CHRAC1: variants seen among roughly 807,000 people sequenced by gnomAD.
CHRAC1 encodes chromatin accessibility complex protein 1.
Under a neutral mutation model 9.1 loss-of-function variants are expected in CHRAC1, and 6 were observed. The ratio of observed to expected loss-of-function variants is 0.66; its 90% CI spans 0.36 to 1.29. CHRAC1 has a LOEUF of 1.29. CHRAC1 is among the 50% of genes most tolerant of loss of function. CHRAC1 has a pLI of 0.03. For synonymous variants in CHRAC1, 73 were observed against 64.5 expected (o/e 1.13, Z -0.63); for missense variants, 168 against 163.5 (o/e 1.03, Z -0.15).
Position 140,516,494 on chromosome 8 carries a change from T to G in CHRAC1, c.*1247T>G, listed in dbSNP as rs1156636914. 2.0e-5 allele frequency: 3 copies of G among 152,170 alleles called. No homozygotes were observed. The East Asian group carries it at 5.8e-4, about 29-fold the overall frequency. The allele number at this position is 152,170 out of a possible 1,614,324, so 9.4% of individuals were successfully genotyped here. A position where few individuals can be genotyped will look rare whatever the true frequency, so the allele number is the denominator to read the frequency against. On this transcript the variant is annotated 3_prime_UTR_variant, in exon 3 of 3. Coordinates refer to ENST00000220913, the MANE Select transcript of CHRAC1 (RefSeq NM_017444.6). ...AAAATGAAAAAGTTTATAATTTACA[T>G]TCAGTAAAATCACCCTTTTTAGTGT...
chr8:140,513,475 G>T (rs2072301888), intron 1 of CHRAC1, among the ~76,000 whole-genome samples: 1 of 150,724 alleles, frequency 6.6e-6, no homozygotes, highest in African/African-American at 2.4e-5. Flanking sequence ...TCGCTCTGTC[G>T]CCCAGGCTGG....
In CHRAC1 at chr8:140,516,565, T is replaced by G. The variant is rs2072339831; in HGVS notation, c.*1318T>G. The G allele has an allele frequency of 6.6e-6, 1 of 152,242 alleles. No homozygotes were observed. Among genetic ancestry groups the G allele is most frequent in the African/African-American group, 2.4e-5 (1 of 41,470 alleles). The allele number at this position is 152,242 out of a possible 1,614,324, so 9.4% of individuals were successfully genotyped here. A position where few individuals can be genotyped will look rare whatever the true frequency, so the allele number is the denominator to read the frequency against. ...AATGCATGGTTTTGTAACCAATCGA[T>G]AGGACAGTTCTGCCACCCAGGACAT... On this transcript the variant is annotated 3_prime_UTR_variant, in exon 3 of 3. Coordinates refer to ENST00000220913, the MANE Select transcript of CHRAC1 (RefSeq NM_017444.6).
At chr8:140,514,217 T>C (rs1250462974) in intron 1 of CHRAC1, 152 bp from the exon 2 acceptor site, 1 of 843,944 alleles carries the variant, frequency 1.2e-6, no homozygotes, top group Non-Finnish European at 1.7e-6. Flanking sequence ...CCCCAGTGAT[T>C]TCTTGTAATT....
At chr8:140,511,831 C>G in intron 1 of CHRAC1, 185 bp downstream of exon 1, 1 of 783,314 alleles carries the variant, frequency 1.3e-6, no homozygotes, top group Admixed American at 2.2e-5. Context: ...CCCACACTTT[C>G]TCGCGCGTCT....
chr8:140,514,210 C>T (rs1424430361), intron 1 of CHRAC1, 159 bp from the exon 2 acceptor site: 1 of 768,276 alleles, frequency 1.3e-6, no homozygotes, highest in Non-Finnish European at 1.9e-6. Context: ...CTGGCCTCCC[C>T]AGTGATTTCT....
At chr8:140,511,876 C>T (rs1444378557) in intron 1 of CHRAC1, 2 of 770,010 alleles carry the variant, frequency 2.6e-6, no homozygotes, top group Admixed American at 2.2e-5. Flanking sequence ...CCCTCACGTT[C>T]TCCAGTTTCT....
Position 140,511,473 on chromosome 8 carries a change from G to A in CHRAC1, c.-27G>A, listed in dbSNP as rs2072272062. On this transcript the variant is annotated 5_prime_UTR_variant, in exon 1 of 3. Transcript: ENST00000220913. ...CACTTCGCGGTCGGGCCCGCCGGCT[G>A]CGGGCACCCGCGCGACGGGCGGGAA... is the stretch of plus-strand genomic sequence containing the variant. The A allele has an allele frequency of 3.8e-6, 5 of 1,310,640 alleles. No individual in the cohort carries two copies. The highest frequency in any genetic ancestry group is 4.9e-6 in the Non-Finnish European group (5 of 1,017,800). 81.2% of individuals were successfully genotyped at this position (1,310,640 alleles called of 1,614,324 possible).
At chr8:140,515,104 A>T in intron 2 of CHRAC1, 22 bp from the exon 3 acceptor site, 4 of 1,607,234 alleles carry the variant, frequency 2.5e-6, no homozygotes, top group Non-Finnish European at 2.6e-6. Context: ...CCAATTGCTG[A>T]TGTACGCTTT....
chr8:140,514,947 G>A (rs1358172604), intron 2 of CHRAC1, 179 bp from the exon 3 acceptor site: 10 of 599,640 alleles, frequency 1.7e-5, no homozygotes, highest in East Asian at 3.0e-5. Context: ...GGCCTATAGC[G>A]TTCGTTAGGA....
At chr8:140,514,536 T>C in intron 2 of CHRAC1, 41 bp downstream of exon 2, 1 of 1,497,264 alleles carries the variant, frequency 6.7e-7, no homozygotes, top group Non-Finnish European at 8.9e-7. Context: ...AAATGATTAG[T>C]AATCAATAGC....
intron 2 of CHRAC1, 86 bp downstream of exon 2, chr8:140,514,581 C>T (rs761852385): frequency 9.2e-6 from 11 of 1,201,368 alleles, no homozygotes; most frequent in Non-Finnish European, 1.0e-5. Context: ...TCTGCTCTCA[C>T]GGAAAATTAG....
chr8:140,513,913 C>CTTTT lies in CHRAC1; in HGVS notation c.148-434_148-431dup, dbSNP rs57880666. 4.7e-3 allele frequency among the ~76,000 whole-genome samples: 410 copies of CTTTT among 87,448 alleles called. 13 individuals are homozygous for CTTTT. Among genetic ancestry groups the CTTTT allele is most frequent in the East Asian group, 7.8e-3 (19 of 2,442 alleles). The allele number at this position is 87,448 out of a possible 152,430, so 57.4% of individuals were successfully genotyped here. A position where few individuals can be genotyped will look rare whatever the true frequency, so the allele number is the denominator to read the frequency against. On this transcript the variant is annotated intron_variant, in intron 1 of 2. Transcript: ENST00000220913. The stretch of plus-strand genomic sequence containing the variant: ...ATGTTTTTCTTTTCCCCAGTGATTT[C>CTTTT]TTTTTTTTTTTTTTTTTTTTTTTTT...
chr8:140,511,756 G>C, intron 1 of CHRAC1, 110 bp downstream of exon 1: 1 of 1,035,778 alleles, frequency 9.7e-7, no homozygotes, highest in Non-Finnish European at 1.3e-6. Context: ...GGCTGCTCTT[G>C]CCGGGCTCGC....
intron 2 of CHRAC1, 177 bp downstream of exon 2, chr8:140,514,672 G>C: frequency 2.0e-6 from 1 of 512,284 alleles, no homozygotes. Context: ...GTTTGAATGT[G>C]TTTGTCATGT....
intron 1 of CHRAC1, among the ~76,000 whole-genome samples, chr8:140,513,403 A>T (rs2072300453): frequency 6.6e-6 from 1 of 152,234 alleles, no homozygotes. Context: ...TGAGCCAAAT[A>T]GAATTTTTGA....
chr8:140,511,709 T>C (rs1422389376), intron 1 of CHRAC1, 63 bp downstream of exon 1: 1 of 1,253,958 alleles, frequency 8.0e-7, no homozygotes, highest in African/African-American at 1.6e-5. Flanking sequence ...CGCCGGGCTC[T>C]GGGCACTGCC....
At chr8:140,512,193 C>T (rs1020958723) in intron 1 of CHRAC1, among the ~76,000 whole-genome samples, 2 of 152,206 alleles carry the variant, frequency 1.3e-5, no homozygotes, top group African/African-American at 4.8e-5. Flanking sequence ...ACTCCCTACT[C>T]CCGGCCTGCC....
chr8:140,515,659 T>A lies in CHRAC1; in HGVS notation c.*412T>A, dbSNP rs957803098. 1.3e-5 allele frequency: 2 copies of A among 154,240 alleles called. No homozygotes were observed. The highest frequency in any genetic ancestry group is 6.5e-5 in the Admixed American group (1 of 15,444). 9.6% of individuals were successfully genotyped at this position (154,240 alleles called of 1,614,324 possible). ...AATCAGTTCTTATAAACAGCTCGAT[T>A]CAGTTTTAGCTAAATTTATAGTTTA... On this transcript the variant is annotated 3_prime_UTR_variant, in exon 3 of 3. Transcript: ENST00000220913.
chr8:140,511,703 G>A (rs1362023292), intron 1 of CHRAC1, 57 bp downstream of exon 1: 40 of 1,265,230 alleles, frequency 3.2e-5, no homozygotes, highest in Non-Finnish European at 3.1e-5. Context: ...CCGCCCCGCC[G>A]GGCTCTGGGC....
Sources: allele counts gnomAD v4.1 joint callset (sites outside exome capture counted in the v4.1 genomes callset), GRCh38; gene constraint gnomAD v4.1.1; transcripts MANE v1.5; gene names NCBI Gene and HGNC (gene_info 2026-07-23, HGNC 2026-07-21).